The following DIP2C variants were observed in gnomAD, a reference collection of about 807,000 sequenced individuals.
The protein encoded by DIP2C is DIP2 acetate--CoA ligase C (putative), also known as disco-interacting protein 2 homolog C.
A neutral mutation model predicts 192.4 loss-of-function variants in DIP2C; 33 were observed. The observed-to-expected ratio is 0.17, with a 90% CI of 0.13 to 0.23. The LOEUF is 0.23. Ranked by LOEUF, DIP2C falls within the 10% of genes least tolerant of loss-of-function variation. The probability of loss-of-function intolerance (pLI) is 1.00; values close to 1 mark genes in which losing one functional copy is unlikely to be tolerated. For missense variants in DIP2C, 1,537 were observed against 2,110.1 expected (o/e 0.73, Z 5.32); for synonymous variants, 979 against 864.1 (o/e 1.13, Z -2.33).
intron 18 of DIP2C, among the ~76,000 whole-genome samples, chr10:366,722 A>C (rs534820194): frequency 6.6e-6 from 1 of 152,348 alleles, no homozygotes; most frequent in South Asian, 2.1e-4. Flanking sequence ...CTCAGAACTA[A>C]CATCAGGACC....
intron 9 of DIP2C, among the ~76,000 whole-genome samples, chr10:404,057 G>C (rs1964619834): frequency 6.7e-6 from 1 of 150,076 alleles, no homozygotes; most frequent in African/African-American, 2.5e-5. Flanking sequence ...GGACAAGTTT[G>C]GTACATTTTC....
At chr10:444,190 C>A (rs111666707) in intron 3 of DIP2C, among the ~76,000 whole-genome samples, 2 of 142,208 alleles carry the variant, frequency 1.4e-5, no homozygotes, top group South Asian at 2.3e-4. Context: ...TGTTCCTTGG[C>A]GCTCTTCCAT....
Position 612,523 on chromosome 10 carries a change from G to A in DIP2C, c.85+76971C>T, listed in dbSNP as rs1853166846. 2.0e-5 allele frequency among the ~76,000 whole-genome samples: 3 copies of A among 152,148 alleles called. No individual in the cohort carries two copies. In the South Asian group the frequency reaches 6.2e-4, roughly 32 times the overall value. ...AACAAGTGTGGGGTAAGACCTCAAGGCAAAATTTTTCTTTGCACTTTGATT... is the reference window on the plus strand; with the variant it reads ...AACAAGTGTGGGGTAAGACCTCAAGACAAAATTTTTCTTTGCACTTTGATT... On this transcript the variant is annotated intron_variant, in intron 1 of 36. Coordinates refer to ENST00000280886, the MANE Select transcript of DIP2C (RefSeq NM_014974.3).
chr10:357,732 G>T, intron 23 of DIP2C, 96 bp downstream of exon 23: 1 of 876,374 alleles, frequency 1.1e-6, no homozygotes, highest in Non-Finnish European at 1.8e-6. Context: ...AGGGAAGGTA[G>T]GGGACAGTCG....
chr10:506,839 G>T (rs951980431), intron 1 of DIP2C, among the ~76,000 whole-genome samples: 2 of 152,232 alleles, frequency 1.3e-5, no homozygotes, highest in Admixed American at 6.5e-5. Flanking sequence ...CCCGCCAGCT[G>T]TGCATGATCA....
At chr10:369,008 A>C (rs541890886) in intron 18 of DIP2C, among the ~76,000 whole-genome samples, 1 of 152,224 alleles carries the variant, frequency 6.6e-6, no homozygotes, top group Non-Finnish European at 1.5e-5. Context: ...TTCCTCATGC[A>C]TCTGTGGAAA....
chr10:427,748 A>C (rs553676939), intron 4 of DIP2C, among the ~76,000 whole-genome samples: 1 of 152,370 alleles, frequency 6.6e-6, no homozygotes, highest in South Asian at 2.1e-4. Flanking sequence ...AAAAATAAAA[A>C]TACCAAAATA....
intron 31 of DIP2C, among the ~76,000 whole-genome samples, chr10:312,386 T>A (rs1262157948): frequency 6.6e-6 from 1 of 151,526 alleles, no homozygotes; most frequent in Non-Finnish European, 1.5e-5. Context: ...GTACAAAGAG[T>A]AGAAGATTTT....
intron 1 of DIP2C, among the ~76,000 whole-genome samples, chr10:645,452 C>G (rs1855400217): frequency 6.6e-6 from 1 of 152,176 alleles, no homozygotes; most frequent in Non-Finnish European, 1.5e-5. Context: ...CTCTCTGCTC[C>G]ATCTCTAACG....
At chr10:368,594 G>A (rs1010767636) in intron 18 of DIP2C, among the ~76,000 whole-genome samples, 1 of 152,216 alleles carries the variant, frequency 6.6e-6, no homozygotes, top group Non-Finnish European at 1.5e-5. Flanking sequence ...AGCTTCTGGA[G>A]TGCCTGGCCC....
intron 1 of DIP2C, among the ~76,000 whole-genome samples, chr10:577,157 T>A (rs1023396581): frequency 6.6e-6 from 1 of 152,228 alleles, no homozygotes; most frequent in Admixed American, 6.5e-5. Flanking sequence ...TATGGCTGCA[T>A]CCTACTGCAA....
At chr10:644,801 T>C (rs1855369752) in intron 1 of DIP2C, among the ~76,000 whole-genome samples, 1 of 152,252 alleles carries the variant, frequency 6.6e-6, no homozygotes, top group Admixed American at 6.5e-5. Flanking sequence ...TTCTCAAAAG[T>C]ACATGCAGAG....
chr10:623,318 G>A (rs571455329), intron 1 of DIP2C, among the ~76,000 whole-genome samples: 51 of 151,768 alleles, frequency 3.4e-4, no homozygotes, highest in African/African-American at 1.2e-3. Flanking sequence ...AGCACCAGAC[G>A]GATGCCTGCC....
chr10:681,707 A>AT (rs922889780), intron 1 of DIP2C, among the ~76,000 whole-genome samples: 1 of 152,218 alleles, frequency 6.6e-6, no homozygotes, highest in Admixed American at 6.5e-5. Context: ...GGGAATGCAG[A>AT]CCCCAGTCTC....
rs987940068 is a variant in DIP2C at position 274,321 on chromosome 10, A to G, written c.*3004T>C. On this transcript the variant is annotated 3_prime_UTR_variant, in exon 37 of 37. Transcript: ENST00000280886. ...CACATCAAAATTTAAACATTTTTCA[A>G]AGTATGATTATCTGTACTAAGTAAT... The G allele has an allele frequency of 4.6e-5, 7 of 152,238 alleles. No individual in the cohort carries two copies. Among genetic ancestry groups the G allele is most frequent in the African/African-American group, 1.7e-4 (7 of 41,456 alleles). The allele number at this position is 152,238 out of a possible 1,614,324, so 9.4% of individuals were successfully genotyped here.
intron 1 of DIP2C, among the ~76,000 whole-genome samples, chr10:553,253 G>A (rs991152391): frequency 6.6e-6 from 1 of 152,348 alleles, no homozygotes; most frequent in East Asian, 1.9e-4. Context: ...AGTGCTGGCT[G>A]AATTCATGTT....
At position 349,462 on chromosome 10, in the gene DIP2C, C is replaced by A. The variant is rs1453588992; in HGVS notation, c.2986-8G>T. ...CGAGTTCGCTATCGCACCCTGCGGG[C>A]CGATCACAGGGACAAGCACATAAGA... On this transcript the variant is annotated splice_polypyrimidine_tract_variant and splice_region_variant and intron_variant, in intron 24 of 36. Coordinates refer to ENST00000280886, the MANE Select transcript of DIP2C (RefSeq NM_014974.3). 2 of 1,597,458 alleles carry A rather than the reference C, an allele frequency of 1.3e-6. No individual in the cohort carries two copies. Among genetic ancestry groups the A allele is most frequent in the East Asian group, 2.2e-5 (1 of 44,574 alleles).
rs138652954 is a variant in DIP2C, at chr10:662,077, G to A, written c.85+27417C>T. The A allele has an allele frequency of 5.1e-4, 367 of 717,324 alleles. 1 individual carries two copies. The East Asian group carries it at 6.6e-3, about 13-fold the overall frequency. The allele number at this position is 717,324 out of a possible 1,614,324, so 44.4% of individuals were successfully genotyped here. On this transcript the variant is annotated intron_variant, in intron 1 of 36. Coordinates refer to ENST00000280886, the MANE Select transcript of DIP2C (RefSeq NM_014974.3). ...ACAGCATACCGCACATCAAAGGCAC[G>A]ATTCTCTCCGAAGCCCTCAGTGGCT... is the stretch of plus-strand genomic sequence containing the variant.
At chr10:601,014 T>G (rs780769609) in intron 1 of DIP2C, among the ~76,000 whole-genome samples, 2 of 152,180 alleles carry the variant, frequency 1.3e-5, no homozygotes, top group African/African-American at 2.4e-5. Context: ...ACGTTACATG[T>G]TCACCTGAGA....
Sources: gnomAD v4.1 joint callset for allele counts (sites outside exome capture counted in the v4.1 genomes callset) on GRCh38, gnomAD v4.1.1 for gene constraint, MANE v1.5 for transcripts, NCBI Gene and HGNC (gene_info 2026-07-23, HGNC 2026-07-21) for gene names.